ZNF821: variants seen among roughly 807,000 people sequenced by gnomAD.
ZNF821 encodes the protein zinc finger protein 821.
In ZNF821, 16 loss-of-function variants were observed where a neutral mutation model predicts 44.3. The ratio of observed to expected loss-of-function variants is 0.36; its 90% CI spans 0.24 to 0.55. The LOEUF (loss-of-function observed/expected upper bound fraction) is 0.55. Ranked by LOEUF, ZNF821 falls within the 20% of genes least tolerant of loss-of-function variation. The probability of loss-of-function intolerance (pLI) is 0.86; values close to 1 mark genes in which losing one functional copy is unlikely to be tolerated. For synonymous variants in ZNF821, 204 were observed against 197.6 expected (o/e 1.03, Z -0.27); for missense variants, 436 against 547.6 (o/e 0.80, Z 2.03).
chr16:71,863,084 C>T (rs1411986312), intron 6 of ZNF821, among the ~76,000 whole-genome samples: 1 of 151,878 alleles, frequency 6.6e-6, no homozygotes, highest in Non-Finnish European at 1.5e-5. Flanking sequence ...TTATTAGAGA[C>T]AGGGTTTCAC....
chr16:71,886,750 A>C (rs562509042), upstream of ZNF821, among the ~76,000 whole-genome samples: 5 of 152,330 alleles, frequency 3.3e-5, no homozygotes, highest in South Asian at 8.3e-4. Flanking sequence ...TGACAACATC[A>C]CTAGTATCTA....
intron 2 of ZNF821, chr16:71,882,996 A>G (rs912720237): frequency 5.3e-6 from 2 of 380,776 alleles, no homozygotes; most frequent in Non-Finnish European, 1.1e-5. Flanking sequence ...AAACGGTGAG[A>G]TTCAGGTCTA....
At chr16:71,894,122 G>A (rs2036917917) in intron 1 of ZNF821, 1 of 152,096 alleles carries the variant, frequency 6.6e-6, no homozygotes, top group African/African-American at 2.4e-5. Flanking sequence ...CGTTTATAAA[G>A]ATACAGTATT....
intron 3 of ZNF821, among the ~76,000 whole-genome samples, chr16:71,878,902 T>A (rs2036137231): frequency 6.8e-6 from 1 of 147,298 alleles, no homozygotes; most frequent in South Asian, 2.1e-4. Context: ...CCAGCCTGGG[T>A]GACAGAGCGA....
At chr16:71,883,307 C>G (rs2036619796) in intron 1 of ZNF821, 34 bp from the exon 2 acceptor site, 1 of 424,728 alleles carries the variant, frequency 2.4e-6, no homozygotes, top group Non-Finnish European at 4.7e-6. Flanking sequence ...AAGCTGGTCA[C>G]TTAGCCGCCT....
At chr16:71,883,753 C>T (rs1175265559) in intron 1 of ZNF821, among the ~76,000 whole-genome samples, 155 bp downstream of exon 1, 3 of 152,084 alleles carry the variant, frequency 2.0e-5, no homozygotes, top group African/African-American at 7.2e-5. Context: ...GGGTTGGAAG[C>T]GGGGAGGGTG....
At chr16:71,882,561 C>G (rs1043119300) in intron 2 of ZNF821, among the ~76,000 whole-genome samples, 12 of 152,180 alleles carry the variant, frequency 7.9e-5, no homozygotes, top group African/African-American at 2.7e-4. Context: ...GCAATGCCCG[C>G]TGCATCTTAT....
intron 1 of ZNF821, chr16:71,894,545 CCTTTTT>C (rs943706355): frequency 6.9e-5 from 20 of 289,010 alleles, no homozygotes; most frequent in African/African-American, 4.5e-4. Flanking sequence ...CGCACCCGGC[CCTTTTT>C]CTTTTTTTCT....
chr16:71,887,054 T>C (rs1167009370), upstream of ZNF821, among the ~76,000 whole-genome samples: 3 of 152,244 alleles, frequency 2.0e-5, no homozygotes, highest in Non-Finnish European at 4.4e-5. Flanking sequence ...TTCTGTTGTA[T>C]GGATATGCCA....
intron 1 of ZNF821, chr16:71,894,505 CA>C: frequency 4.6e-6 from 1 of 219,758 alleles, no homozygotes; most frequent in South Asian, 7.0e-5. Flanking sequence ...CTCGGCCTCC[CA>C]AAATGTTGAG....
At chr16:71,888,069 G>T (rs1185648184), upstream of ZNF821, among the ~76,000 whole-genome samples, 5 of 151,876 alleles carry the variant, frequency 3.3e-5, no homozygotes, top group Non-Finnish European at 7.4e-5. Flanking sequence ...TAGAGACGGG[G>T]TCTCACCATG....
chr16:71,872,366 T>A (rs1341937445), intron 3 of ZNF821, among the ~76,000 whole-genome samples: 1 of 152,010 alleles, frequency 6.6e-6, no homozygotes, highest in Non-Finnish European at 1.5e-5. Context: ...GTAATCCCAG[T>A]ACTTTGGAAG....
upstream of ZNF821, among the ~76,000 whole-genome samples, chr16:71,886,454 A>T (rs937755655): frequency 2.0e-5 from 3 of 152,172 alleles, no homozygotes; most frequent in Non-Finnish European, 4.4e-5. Context: ...TTAACCATAT[A>T]TATTTTTTTA....
chr16:71,893,172 C>T (rs1431411343), intron 1 of ZNF821, among the ~76,000 whole-genome samples: 2 of 150,054 alleles, frequency 1.3e-5, no homozygotes, highest in Non-Finnish European at 1.5e-5. Context: ...CTACAGGCGC[C>T]CGCCACAACC....
At chr16:71,875,326 G>A (rs1191581390) in intron 3 of ZNF821, among the ~76,000 whole-genome samples, 1 of 152,096 alleles carries the variant, frequency 6.6e-6, no homozygotes, top group Admixed American at 6.6e-5. Flanking sequence ...CCGTCGCCCA[G>A]GCTGGAGTGC....
At chr16:71,890,750 T>A (rs2036880621) in intron 1 of ZNF821, 2 of 137,896 alleles carry the variant, frequency 1.5e-5, no homozygotes, top group Non-Finnish European at 3.1e-5. Context: ...ACATTCATGC[T>A]CCTCCCCTTC....
Position 71,860,604 on chromosome 16 carries a change from G to A in ZNF821, c.653C>T (p.Ala218Val). The change falls in exon 8 of 8, where the codon GCT (alanine) becomes GTT (valine). Residue 218 changes from alanine to valine, a missense_variant. Physicochemically the swap from Ala to Val is moderately conservative, Grantham distance 64. Coordinates refer to ENST00000425432, the MANE Select transcript of ZNF821 (RefSeq NM_001201552.2). This position sits in a 1 kb window ranked among gnomAD's most constrained non-coding sequence, Gnocchi z 7.3. ...ACTAAAGGCAATATCCTTCCCCTCAGCACTGGAGGGACCCTCATTGTGGAC... is the reference window on the plus strand; with the variant it reads ...ACTAAAGGCAATATCCTTCCCCTCAACACTGGAGGGACCCTCATTGTGGAC... ...PTVHNEGPSS[A>V]EGKDIAFSPP... 1 of 1,614,076 alleles carries A rather than the reference G, an allele frequency of 6.2e-7. No individual in the cohort carries two copies. The highest frequency in any genetic ancestry group is 8.5e-7 in the Non-Finnish European group (1 of 1,180,010).
chr16:71,866,623 T>A (rs1013630536), intron 4 of ZNF821, among the ~76,000 whole-genome samples: 2 of 152,234 alleles, frequency 1.3e-5, no homozygotes, highest in African/African-American at 4.8e-5. Flanking sequence ...AAAAATTTTT[T>A]AAAAATGTGT....
chr16:71,890,764 C>CTTTTTT lies in ZNF821; in HGVS notation n.448+4119_448+4124dup, dbSNP rs750537169. 3.1e-3 allele frequency: 205 copies of CTTTTTT among 65,474 alleles called. 21 individuals carry two copies. Among genetic ancestry groups the CTTTTTT allele is most frequent in the African/African-American group, 0.013 (173 of 13,596 alleles). The allele number at this position is 65,474 out of a possible 1,614,324, so 4.1% of individuals were successfully genotyped here. ...CACATTCATGCTCCTCCCCTTCCTG[C>CTTTTTT]TTTTTTTTTTTTTTTTTTTTTTTTT... On this transcript the variant is annotated intron_variant and non_coding_transcript_variant, in intron 1 of 2. Transcript: ENST00000561700.
Sources: allele counts gnomAD v4.1 joint callset (sites outside exome capture counted in the v4.1 genomes callset), GRCh38; gene constraint gnomAD v4.1.1; non-coding constraint Gnocchi (gnomAD v3.1); transcripts MANE v1.5; gene names NCBI Gene and HGNC (gene_info 2026-07-23, HGNC 2026-07-21).